DENND6A: variants seen among roughly 807,000 people sequenced by gnomAD.
DENND6A encodes DENN domain containing 6A, also known as protein DENND6A.
DENND6A carries 43 observed loss-of-function variants against 95.5 expected under a neutral mutation model. The ratio of observed to expected loss-of-function variants is 0.45; its 90% CI spans 0.35 to 0.58. DENND6A has a LOEUF of 0.58. DENND6A is among the 20% of genes least tolerant of loss of function. The pLI, the probability that DENND6A is intolerant of heterozygous loss-of-function variation, is 0.00. For missense variants in DENND6A, 574 were observed against 736.0 expected (o/e 0.78, Z 2.55); for synonymous variants, 257 against 260.4 (o/e 0.99, Z 0.13).
At chr3:57,634,816 T>C (rs1179254968) in intron 12 of DENND6A, 47 bp from the exon 13 acceptor site, 2 of 1,425,418 alleles carry the variant, frequency 1.4e-6, no homozygotes, top group South Asian at 1.5e-5. Context: ...TAATCATACA[T>C]ATTACAAAAT....
intron 9 of DENND6A, among the ~76,000 whole-genome samples, chr3:57,656,375 G>T (rs375895978): frequency 1.2e-3 from 190 of 152,078 alleles, no homozygotes; most frequent in Non-Finnish European, 2.0e-3. Flanking sequence ...TTTAACTGCT[G>T]AATAGTATTC....
At chr3:57,657,240 A>C (rs887691411) in intron 9 of DENND6A, among the ~76,000 whole-genome samples, 1 of 152,222 alleles carries the variant, frequency 6.6e-6, no homozygotes, top group Non-Finnish European at 1.5e-5. Flanking sequence ...AAACATACAG[A>C]AAAGTAAAAA....
intron 12 of DENND6A, among the ~76,000 whole-genome samples, chr3:57,638,059 A>T (rs2070838111): frequency 6.6e-6 from 1 of 151,758 alleles, no homozygotes; most frequent in Non-Finnish European, 1.5e-5. Context: ...ACTTGAACCC[A>T]GGAGGCGAAG....
intron 5 of DENND6A, 88 bp downstream of exon 5, chr3:57,663,548 G>C (rs1245679545): frequency 2.8e-6 from 2 of 707,358 alleles, no homozygotes; most frequent in African/African-American, 2.0e-5. Flanking sequence ...AAATACCAAA[G>C]ACTTTAAAGA....
intron 3 of DENND6A, among the ~76,000 whole-genome samples, chr3:57,670,030 A>G (rs1218619949): frequency 6.6e-6 from 1 of 150,974 alleles, no homozygotes; most frequent in Non-Finnish European, 1.5e-5. Context: ...AAAAAAAAAA[A>G]AAAAAAAGAA....
rs146451261 is a variant in DENND6A, at chr3:57,671,634, A to C, written c.319+622T>G. ...TGAGAAGCTAAATGTTTTGGTCACTATAAGCCAAGAAAAGCTAGTTTGAAA... is the reference window on the plus strand; with the variant it reads ...TGAGAAGCTAAATGTTTTGGTCACTCTAAGCCAAGAAAAGCTAGTTTGAAA... On this transcript the variant is annotated intron_variant, in intron 3 of 19. Coordinates refer to ENST00000311128, the MANE Select transcript of DENND6A (RefSeq NM_152678.3). Among the ~76,000 whole-genome samples the C allele has an allele frequency of 4.1e-3, 632 of 152,338 alleles. 6 individuals carry two copies. The highest frequency in any genetic ancestry group is 0.015 in the African/African-American group (613 of 41,578).
At chr3:57,672,112 G>A (rs1200979781) in intron 3 of DENND6A, 144 bp downstream of exon 3, 7 of 768,674 alleles carry the variant, frequency 9.1e-6, no homozygotes, top group African/African-American at 3.6e-5. Flanking sequence ...ACGATGACAT[G>A]ACTAGGCATC....
intron 10 of DENND6A, 101 bp downstream of exon 10, chr3:57,646,215 G>T (rs1293123411): frequency 5.4e-6 from 8 of 1,472,684 alleles, no homozygotes; most frequent in Non-Finnish European, 4.6e-6. Flanking sequence ...TAATGGGTGG[G>T]GAAAAATACG....
At chr3:57,665,402 G>C (rs2071511014) in intron 4 of DENND6A, among the ~76,000 whole-genome samples, 1 of 152,096 alleles carries the variant, frequency 6.6e-6, no homozygotes, top group Non-Finnish European at 1.5e-5. Flanking sequence ...GAGCACTGTA[G>C]GGAGGATTAA....
At chr3:57,639,751 G>A (rs961792674) in intron 12 of DENND6A, among the ~76,000 whole-genome samples, 1 of 151,940 alleles carries the variant, frequency 6.6e-6, no homozygotes, top group Non-Finnish European at 1.5e-5. Context: ...ACACAGTTCT[G>A]ATTGCCAAGA....
chr3:57,663,712 T>C lies in DENND6A; in HGVS notation c.437A>G (p.Asp146Gly). The C allele has an allele frequency of 6.4e-7, 1 of 1,570,516 alleles. No homozygotes were observed. The highest frequency in any genetic ancestry group is 8.7e-7 in the Non-Finnish European group (1 of 1,155,902). Residue 146 changes from aspartate (D) to glycine (G), a missense_variant, in exon 5 of 20, where the codon GAT (aspartate) becomes GGT (glycine). Asp to Gly is a moderately conservative substitution (Grantham distance 94). Coordinates refer to ENST00000311128, the MANE Select transcript of DENND6A (RefSeq NM_152678.3). Reference protein sequence around the residue: ...DKDLPVYLKKDPAYFYGYVYF... With the variant: ...DKDLPVYLKKGPAYFYGYVYF... ...CACATATCCATAAAAATAAGCAGGA[T>C]CCTTCTAAGAAGAAAGTGACAAGTA...
chr3:57,657,857 T>A, intron 8 of DENND6A, 122 bp from the exon 9 acceptor site: 1 of 585,146 alleles, frequency 1.7e-6, no homozygotes, highest in Non-Finnish European at 3.0e-6. Flanking sequence ...ATTCTCTTCC[T>A]TTAGGAACAG....
chr3:57,674,481 A>C (rs1248333401), intron 1 of DENND6A, among the ~76,000 whole-genome samples: 1 of 151,916 alleles, frequency 6.6e-6, no homozygotes, highest in Non-Finnish European at 1.5e-5. Flanking sequence ...AAATACAAAA[A>C]TTAGCTGAAC....
At chr3:57,650,663 C>CCA (rs199821040) in intron 9 of DENND6A, among the ~76,000 whole-genome samples, 1,953 of 152,186 alleles carry the variant, frequency 0.013, 47 homozygotes, top group African/African-American at 0.044. Context: ...GAAAACATGT[C>CCA]CACACAAAGA....
intron 14 of DENND6A, among the ~76,000 whole-genome samples, chr3:57,633,760 G>A (rs180812970): frequency 1.7e-3 from 256 of 151,690 alleles, no homozygotes; most frequent in African/African-American, 6.0e-3. Flanking sequence ...TGTGGTGGCG[G>A]GCACCTGTAA....
chr3:57,669,168 G>T (rs1453732934), intron 3 of DENND6A, among the ~76,000 whole-genome samples: 1 of 152,000 alleles, frequency 6.6e-6, no homozygotes, highest in African/African-American at 2.4e-5. Flanking sequence ...AACTGCACCC[G>T]GCCTCCAATT....
In DENND6A at chr3:57,628,794, C is replaced by T. The variant is rs571677934; in HGVS notation, c.1695+17G>A. 1.5e-5 allele frequency: 24 copies of T among 1,605,194 alleles called. No individual in the cohort carries two copies. Among genetic ancestry groups the T allele is most frequent in the Non-Finnish European group, 2.0e-5 (23 of 1,177,336 alleles). On this transcript the variant is annotated intron_variant, in intron 19 of 19. Coordinates refer to ENST00000311128, the MANE Select transcript of DENND6A (RefSeq NM_152678.3). ...AAAGAAAAGTCAATTTAATCTTTGG[C>T]TGTTTTGGCTACATACCAGCTTATT...
chr3:57,638,673 CTAAATAAA>C (rs1015641026), intron 12 of DENND6A, among the ~76,000 whole-genome samples: 1 of 151,492 alleles, frequency 6.6e-6, no homozygotes, highest in Non-Finnish European at 1.5e-5. Context: ...AAATAAATAA[CTAAATAAA>C]TAAATAAATA....
chr3:57,628,124 C>A lies in DENND6A; in HGVS notation c.*90G>T. ...TTCATGGCAATTTTCCACTCCGCTG[C>A]CACTGAGAGATCTCCTTTGTGCGTC... On this transcript the variant is annotated 3_prime_UTR_variant, in exon 20 of 20. Coordinates refer to ENST00000311128, the MANE Select transcript of DENND6A (RefSeq NM_152678.3). The A allele has an allele frequency of 9.8e-6, 15 of 1,526,102 alleles. No homozygotes were observed. Among genetic ancestry groups the A allele is most frequent in the Non-Finnish European group, 1.3e-5 (15 of 1,135,006 alleles). 94.5% of individuals were successfully genotyped at this position (1,526,102 alleles called of 1,614,324 possible).
Sources: allele counts gnomAD v4.1 joint callset (sites outside exome capture counted in the v4.1 genomes callset), GRCh38; gene constraint gnomAD v4.1.1; transcripts MANE v1.5; gene names NCBI Gene and HGNC (gene_info 2026-07-23, HGNC 2026-07-21).